Variants in TMEM132C observed in about 807,000 individuals in gnomAD.
TMEM132C encodes the protein protein phosphatase 1, regulatory subunit 152.
Under a neutral mutation model 61.4 loss-of-function variants are expected in TMEM132C, and 29 were observed. That is an observed-to-expected ratio of 0.47 (90% CI 0.35 to 0.64). TMEM132C has a LOEUF of 0.64. TMEM132C is among the 30% of genes least tolerant of loss of function. The pLI, the probability that TMEM132C is intolerant of heterozygous loss-of-function variation, is 0.00. For missense variants in TMEM132C, 1,408 were observed against 1,476.9 expected, an observed-to-expected ratio of 0.95 and a Z score of 0.76; for synonymous variants, 656 against 633.1, an observed-to-expected ratio of 1.04 and a Z score of -0.54.
At chr12:128,291,275 C>G (rs1806500529) in intron 1 of TMEM132C, among the ~76,000 whole-genome samples, 1 of 152,174 alleles carries the variant, frequency 6.6e-6, no homozygotes. Flanking sequence ...CTTTGAAGTC[C>G]AGTTCCCCTC....
intron 3 of TMEM132C, among the ~76,000 whole-genome samples, chr12:128,554,048 TCCACGTGATTCAA>T (rs1411910276): frequency 6.6e-6 from 1 of 152,258 alleles, no homozygotes; most frequent in African/African-American, 2.4e-5. Context: ...ACACTTTCTG[TCCACGTGATTCAA>T]CCTTACTCAA....
chr12:128,661,039 G>T (rs1954384290), intron 4 of TMEM132C, among the ~76,000 whole-genome samples: 10 of 152,162 alleles, frequency 6.6e-5, no homozygotes, highest in Admixed American at 6.5e-4. Flanking sequence ...ATAGAAGATA[G>T]ATTGGATAGA....
intron 4 of TMEM132C, among the ~76,000 whole-genome samples, chr12:128,647,549 G>A (rs112919917): frequency 1.2e-3 from 188 of 151,958 alleles, no homozygotes; most frequent in Non-Finnish European, 1.9e-3. Flanking sequence ...AGCGTTTGAT[G>A]TGAGTGTGTT....
At chr12:128,579,114 G>A (rs1033727244) in intron 3 of TMEM132C, among the ~76,000 whole-genome samples, 5 of 152,300 alleles carry the variant, frequency 3.3e-5, no homozygotes, top group East Asian at 1.9e-4. Flanking sequence ...AGCTCCATTC[G>A]TGGAGTGGCC....
intron 5 of TMEM132C, among the ~76,000 whole-genome samples, chr12:128,670,141 C>G (rs929763362): frequency 3.3e-5 from 5 of 152,122 alleles, no homozygotes; most frequent in African/African-American, 9.7e-5. Context: ...GAAACCCCAT[C>G]TCTACTAAAA....
chr12:128,327,724 A>G (rs1872570098), intron 1 of TMEM132C, among the ~76,000 whole-genome samples: 1 of 152,122 alleles, frequency 6.6e-6, no homozygotes, highest in South Asian at 2.1e-4. Context: ...GAAGGCATCA[A>G]TCAAATACAT....
chr12:128,458,574 A>G (rs1870428325), intron 2 of TMEM132C, among the ~76,000 whole-genome samples: 1 of 151,870 alleles, frequency 6.6e-6, no homozygotes, highest in Non-Finnish European at 1.5e-5. Flanking sequence ...CACCTTTCCC[A>G]TCATGGGGAA....
intron 2 of TMEM132C, among the ~76,000 whole-genome samples, chr12:128,425,576 A>C (rs936490129): frequency 5.3e-5 from 8 of 152,152 alleles, no homozygotes; most frequent in Non-Finnish European, 8.8e-5. Context: ...AATTGTCCCA[A>C]ACTTGGTGGC....
At chr12:128,400,898 C>A (rs563730026) in intron 1 of TMEM132C, among the ~76,000 whole-genome samples, 1 of 151,626 alleles carries the variant, frequency 6.6e-6, no homozygotes. Context: ...CTTAAGCCAC[C>A]GCACCTGCCT....
At chr12:128,334,100 C>A (rs1352462593) in intron 1 of TMEM132C, among the ~76,000 whole-genome samples, 1 of 152,096 alleles carries the variant, frequency 6.6e-6, no homozygotes, top group Non-Finnish European at 1.5e-5. Context: ...AGGAATCTCT[C>A]CACCTCACCC....
chr12:128,665,912 CACACACACATTCACAGGG>C (rs1954462372), intron 4 of TMEM132C, among the ~76,000 whole-genome samples: 2 of 143,360 alleles, frequency 1.4e-5, no homozygotes, highest in African/African-American at 2.8e-5. Flanking sequence ...CATTCACAGG[CACACACACATTCACAGGG>C]ACTCATACAC....
intron 1 of TMEM132C, among the ~76,000 whole-genome samples, chr12:128,334,463 C>A (rs1425359446): frequency 2.6e-5 from 4 of 152,204 alleles, no homozygotes; most frequent in African/African-American, 9.7e-5. Context: ...CCATCATCAA[C>A]CCTCTTTAGA....
chr12:128,306,865 A>G (rs1398364304), intron 1 of TMEM132C, among the ~76,000 whole-genome samples: 1 of 152,212 alleles, frequency 6.6e-6, no homozygotes, highest in Non-Finnish European at 1.5e-5. Flanking sequence ...ATGTTGGGAA[A>G]AGCCTGGGCA....
At chr12:128,602,286 G>C (rs897020468) in intron 3 of TMEM132C, among the ~76,000 whole-genome samples, 1 of 152,200 alleles carries the variant, frequency 6.6e-6, no homozygotes, top group Non-Finnish European at 1.5e-5. Flanking sequence ...AAGCTCCAGC[G>C]TGCAAAACAA....
chr12:128,597,980 G>C (rs1161459334), intron 3 of TMEM132C, among the ~76,000 whole-genome samples: 1 of 152,244 alleles, frequency 6.6e-6, no homozygotes, highest in Non-Finnish European at 1.5e-5. Flanking sequence ...CAAAGGCTGA[G>C]ATCAGAGGGA....
At chr12:128,574,219 T>C (rs868034548) in intron 3 of TMEM132C, among the ~76,000 whole-genome samples, 31 of 152,234 alleles carry the variant, frequency 2.0e-4, no homozygotes, top group African/African-American at 6.8e-4. Flanking sequence ...CTCACTTTTA[T>C]ATCGCTCAGA....
intron 3 of TMEM132C, among the ~76,000 whole-genome samples, chr12:128,575,738 A>C (rs187303606): frequency 7.0e-4 from 106 of 152,338 alleles, no homozygotes; most frequent in African/African-American, 2.3e-3. Flanking sequence ...CATTTATTTA[A>C]AAGTTATGGA....
intron 1 of TMEM132C, among the ~76,000 whole-genome samples, chr12:128,401,203 G>A (rs978816067): frequency 1.3e-5 from 2 of 152,128 alleles, no homozygotes; most frequent in African/African-American, 4.8e-5. Flanking sequence ...TTGTCTTCTA[G>A]CCTGCAAAAA....
At chr12:128,333,294 G>A (rs1593014266) in intron 1 of TMEM132C, among the ~76,000 whole-genome samples, 1 of 151,826 alleles carries the variant, frequency 6.6e-6, no homozygotes, top group East Asian at 1.9e-4. Context: ...AGTGTTGTAT[G>A]TATGTGGTGC....
Sources: allele counts gnomAD v4.1 joint callset (sites outside exome capture counted in the v4.1 genomes callset), GRCh38; gene constraint gnomAD v4.1.1; transcripts MANE v1.5; gene names NCBI Gene and HGNC (gene_info 2026-07-23, HGNC 2026-07-21).